PCDHGA4: variants seen among roughly 807,000 people sequenced by gnomAD.
The protein encoded by PCDHGA4 is protocadherin gamma-A4.
A neutral mutation model predicts 54.6 loss-of-function variants in PCDHGA4; 38 were observed. That is an observed-to-expected ratio of 0.70 (90% CI 0.54 to 0.91). The LOEUF is 0.91. Ranked by LOEUF, PCDHGA4 falls within the 40% of genes least tolerant of loss-of-function variation. The probability of loss-of-function intolerance (pLI) is 0.00; values close to 1 mark genes in which losing one functional copy is unlikely to be tolerated. For synonymous variants in PCDHGA4, 511 were observed against 512.9 expected, an observed-to-expected ratio of 1.00 and a Z score of 0.05; for missense variants, 1,298 against 1,220.9, an observed-to-expected ratio of 1.06 and a Z score of -0.94.
Position 141,356,340 on chromosome 5 carries a change from C to G in PCDHGA4, c.1233C>G (p.Gly411=). The G allele has an allele frequency of 6.4e-7, 1 of 1,554,780 alleles. No homozygotes were observed. The highest frequency in any genetic ancestry group is 8.7e-7 in the Non-Finnish European group (1 of 1,148,566). The change falls in exon 1 of 4, where the codon GGC becomes GGG. Residue 411 remains glycine (G), a synonymous_variant. Coordinates refer to ENST00000571252, the MANE Select transcript of PCDHGA4 (RefSeq NM_018917.4). ...NVHDSDSGGN[G]LVTCSIPDNL... is the part of the protein sequence containing the mutation. The stretch of plus-strand genomic sequence containing the variant: ...ATGACAGTGACTCAGGAGGAAATGG[C>G]CTAGTCACATGTTCTATTCCAGATA...
intron 1 of PCDHGA4, chr5:141,430,850 A>T (rs1204872595): frequency 6.3e-7 from 1 of 1,582,670 alleles, no homozygotes; most frequent in South Asian, 1.2e-5. Context: ...ATGCACCCAG[A>T]TACGCTATTC....
rs919100488 is a variant in PCDHGA4 at position 141,511,573 on chromosome 5, G to A, written c.*400G>A. On this transcript the variant is annotated 3_prime_UTR_variant, in exon 4 of 4. Transcript: ENST00000571252. ...ACAGTTCCTCTTTCCCGAGTAAGGT[G>A]GTTGGGGTGTTGAAGTACCAAGTAA... 1.1e-4 allele frequency: 33 copies of A among 288,248 alleles called. No individual in the cohort carries two copies. Among genetic ancestry groups the A allele is most frequent in the African/African-American group, 7.1e-4 (33 of 46,356 alleles). The allele number at this position is 288,248 out of a possible 1,614,324, so 17.9% of individuals were successfully genotyped here.
rs1300601208 is a variant in PCDHGA4 at position 141,499,206 on chromosome 5, AC to A, written c.2573+4344del. On this transcript the variant is annotated intron_variant, in intron 2 of 3. Transcript: ENST00000571252. ...ACCATTTCCCCCTTCTTAGGCTGTA[AC>A]CCAGGCCCTGCCCTGCAGCTGTCCC... Among the ~76,000 whole-genome samples the A allele has an allele frequency of 3.3e-5, 5 of 152,062 alleles. No homozygotes were observed. In the East Asian group the frequency reaches 7.7e-4, roughly 24 times the overall value.
At chr5:141,450,815 A>ATAT (rs1420984335) in intron 1 of PCDHGA4, among the ~76,000 whole-genome samples, 2,245 of 126,710 alleles carry the variant, frequency 0.018, 73 homozygotes, top group African/African-American at 0.063. Flanking sequence ...TATTTATTTA[A>ATAT]TATTATTATT....
Position 141,400,401 on chromosome 5 carries a change from G to A in PCDHGA4, c.2514+42780G>A, listed in dbSNP as rs760681088. 4 of 1,613,936 alleles carry A rather than the reference G, an allele frequency of 2.5e-6. No homozygotes were observed. The South Asian group carries it at 4.4e-5, about 18-fold the overall frequency. ...TATGTGTTGCACATACAGGAAAGAC[G>A]GAGTTTAATTTCCTAAAATGTAGTG... On this transcript the variant is annotated intron_variant, in intron 1 of 3. Transcript: ENST00000571252.
Position 141,431,740 on chromosome 5 carries a change from T to C in PCDHGA4, c.2515-63067T>C. 6.2e-7 allele frequency: 1 copy of C among 1,614,230 alleles called. No individual in the cohort carries two copies. Among genetic ancestry groups the C allele is most frequent in the South Asian group, 1.1e-5 (1 of 91,088 alleles). On this transcript the variant is annotated intron_variant, in intron 1 of 3. Transcript: ENST00000571252. This position sits in a 1 kb window ranked among gnomAD's most constrained non-coding sequence, Gnocchi z 4.8. ...TGCAAGCAATGGATAATGCAGGATA[T>C]TCTGCGCGAGCCAAAGTCCTGATCA... is the stretch of plus-strand genomic sequence containing the variant.
At chr5:141,372,757 T>A (rs1435453699) in intron 1 of PCDHGA4, 1 of 1,613,122 alleles carries the variant, frequency 6.2e-7, no homozygotes, top group Non-Finnish European at 8.5e-7. Context: ...GCCTCTTGGT[T>A]TGAAAGTAAT....
At chr5:141,498,551 C>T (rs749191535) in intron 2 of PCDHGA4, among the ~76,000 whole-genome samples, 2 of 151,950 alleles carry the variant, frequency 1.3e-5, no homozygotes, top group Non-Finnish European at 2.9e-5. Context: ...GTCAGACACA[C>T]CAGCTTCAAA....
At chr5:141,363,384 T>C (rs2149845337) in intron 1 of PCDHGA4, among the ~76,000 whole-genome samples, 1 of 152,366 alleles carries the variant, frequency 6.6e-6, no homozygotes, top group African/African-American at 2.4e-5. Flanking sequence ...TTTTTCTATT[T>C]CTGTTGTCAT....
rs987773604 is a variant in PCDHGA4 at position 141,409,588 on chromosome 5, C to G, written c.2514+51967C>G. 5.6e-6 allele frequency: 9 copies of G among 1,613,760 alleles called. 1 individual carries two copies. The highest frequency in any genetic ancestry group is 7.6e-6 in the Non-Finnish European group (9 of 1,179,892). On this transcript the variant is annotated intron_variant, in intron 1 of 3. Transcript: ENST00000571252. ...AGACGTCCTACGTGGTCCACGTGGC[C>G]GAGAACAACCCGCCAGGAGCCTCCA...
In PCDHGA4 at chr5:141,404,687, C is replaced by T. The variant is rs190249934; in HGVS notation, c.2514+47066C>T. 2,728 of 1,614,088 alleles carry T rather than the reference C, an allele frequency of 1.7e-3. 3 individuals carry two copies. Among genetic ancestry groups the T allele is most frequent in the Non-Finnish European group, 2.2e-3 (2,615 of 1,179,946 alleles). On this transcript the variant is annotated intron_variant, in intron 1 of 3. Coordinates refer to ENST00000571252, the MANE Select transcript of PCDHGA4 (RefSeq NM_018917.4). ...TGGTTCTACTGGTGTGGAGCTGGCA[C>T]CCCGCTCTGCAGAGCCTGGCTACCT...
In PCDHGA4 at chr5:141,388,444, A is replaced by G. The variant is rs1034138913; in HGVS notation, c.2514+30823A>G. 28 of 1,613,890 alleles carry G rather than the reference A, an allele frequency of 1.7e-5. No individual in the cohort carries two copies. Among genetic ancestry groups the G allele is most frequent in the Non-Finnish European group, 2.4e-5 (28 of 1,179,886 alleles). Reference sequence around the variant, plus strand: ...TCACTGATAAATAAAGAGAAATCAGATGGCAGTAAATACCCTGAGATGGTA... The same window carrying G: ...TCACTGATAAATAAAGAGAAATCAGGTGGCAGTAAATACCCTGAGATGGTA... On this transcript the variant is annotated intron_variant, in intron 1 of 3. Transcript: ENST00000571252.
chr5:141,360,322 G>T (rs762271493), intron 1 of PCDHGA4: 41 of 1,613,854 alleles, frequency 2.5e-5, no homozygotes, highest in Non-Finnish European at 3.1e-5. Flanking sequence ...GGACTTGCCA[G>T]CCCGGAAGCT....
At position 141,498,660 on chromosome 5, in the gene PCDHGA4, G is replaced by A. The variant is rs969314533; in HGVS notation, c.2573+3795G>A. Among the ~76,000 whole-genome samples, 11 of 152,192 alleles carry A rather than the reference G, an allele frequency of 7.2e-5. No homozygotes were observed. In the East Asian group the frequency reaches 9.6e-4, roughly 13 times the overall value. ...GAAGGAAGAAGACCTGGCCAGGTGT[G>A]GTGGCTCACGCCTGTAATCCCAGCA... is the stretch of plus-strand genomic sequence containing the variant. On this transcript the variant is annotated intron_variant, in intron 2 of 3. Coordinates refer to ENST00000571252, the MANE Select transcript of PCDHGA4 (RefSeq NM_018917.4).
At chr5:141,364,915 G>T (rs1763616813) in intron 1 of PCDHGA4, 1 of 1,613,946 alleles carries the variant, frequency 6.2e-7, no homozygotes, top group East Asian at 2.2e-5. Flanking sequence ...CGGAGCTGGT[G>T]TTGGAACAGC....
At chr5:141,488,439 C>G (rs2099675441) in intron 1 of PCDHGA4, among the ~76,000 whole-genome samples, 1 of 152,206 alleles carries the variant, frequency 6.6e-6, no homozygotes, top group African/African-American at 2.4e-5. Context: ...TCTGACCACC[C>G]TCCTGGGTGA....
In PCDHGA4 at chr5:141,389,793, C is replaced by T. The variant is rs773579820; in HGVS notation, c.2514+32172C>T. On this transcript the variant is annotated intron_variant, in intron 1 of 3. Coordinates refer to ENST00000571252, the MANE Select transcript of PCDHGA4 (RefSeq NM_018917.4). Reference sequence around the variant, plus strand: ...TGCCTTAGGCGACAGGGACGCCGTCCGCCAGCGCCTTCTGGTCGCCGTGCG... The same window carrying T: ...TGCCTTAGGCGACAGGGACGCCGTCTGCCAGCGCCTTCTGGTCGCCGTGCG... 8.7e-6 allele frequency: 14 copies of T among 1,613,452 alleles called. No homozygotes were observed. The Admixed American group carries it at 1.8e-4, about 21-fold the overall frequency.
chr5:141,384,284 C>T (rs1588966005), intron 1 of PCDHGA4: 1 of 1,613,854 alleles, frequency 6.2e-7, no homozygotes. Context: ...GTCTACATCG[C>T]TGAGAACAAC....
intron 1 of PCDHGA4, chr5:141,441,209 G>A (rs1276958461): frequency 1.3e-5 from 2 of 152,158 alleles, no homozygotes; most frequent in East Asian, 3.9e-4. Flanking sequence ...TCTGCACCTT[G>A]GACAGTAATC....
Sources: gnomAD v4.1 joint callset for allele counts (sites outside exome capture counted in the v4.1 genomes callset) on GRCh38, gnomAD v4.1.1 for gene constraint, Gnocchi (gnomAD v3.1) non-coding constraint, MANE v1.5 for transcripts, NCBI Gene and HGNC (gene_info 2026-07-23, HGNC 2026-07-21) for gene names.